Variants in DAB1 observed in about 807,000 individuals in gnomAD.
DAB1 encodes DAB adaptor protein 1.
DAB1 carries 15 observed loss-of-function variants against 64.6 expected under a neutral mutation model. That is an observed-to-expected ratio of 0.23 (90% CI 0.16 to 0.36). DAB1 has a LOEUF of 0.36. DAB1 is among the 10% of genes least tolerant of loss of function. The pLI is 1.00. For synonymous variants in DAB1, 235 were observed against 251.9 expected (o/e 0.93, Z 0.64); for missense variants, 596 against 706.7 (o/e 0.84, Z 1.78).
chr1:57,754,079 C>A (rs545410064), intron 6 of DAB1, among the ~76,000 whole-genome samples: 1 of 152,292 alleles, frequency 6.6e-6, no homozygotes, highest in East Asian at 1.9e-4. Context: ...ATCTCATCCT[C>A]TTCTGAGTCC....
intron 4 of DAB1, among the ~76,000 whole-genome samples, chr1:58,185,315 T>G (rs1329367811): frequency 6.6e-6 from 1 of 152,180 alleles, no homozygotes; most frequent in African/African-American, 2.4e-5. Context: ...TTTTTAGCTG[T>G]GTGCTGAGGA....
At chr1:57,156,317 C>G (rs1660219748) in intron 2 of DAB1, among the ~76,000 whole-genome samples, 1 of 152,128 alleles carries the variant, frequency 6.6e-6, no homozygotes, top group South Asian at 2.1e-4. Context: ...CTCTTGCCCC[C>G]ACCCTTAACT....
At chr1:57,355,335 C>G (rs926740596) in intron 1 of DAB1, among the ~76,000 whole-genome samples, 1 of 151,724 alleles carries the variant, frequency 6.6e-6, no homozygotes, top group African/African-American at 2.4e-5. Context: ...TTCCTTCCTT[C>G]CATCCTCCCT....
intron 2 of DAB1, among the ~76,000 whole-genome samples, chr1:57,195,484 A>T (rs1375340804): frequency 6.6e-6 from 1 of 152,244 alleles, no homozygotes; most frequent in Non-Finnish European, 1.5e-5. Context: ...TTTTCCCATC[A>T]TATTCCCATT....
At chr1:58,513,032 C>T (rs1453965258) in intron 2 of DAB1, among the ~76,000 whole-genome samples, 2 of 152,108 alleles carry the variant, frequency 1.3e-5, no homozygotes, top group East Asian at 1.9e-4. Flanking sequence ...ACTTATTAAG[C>T]AACTGATATG....
intron 4 of DAB1, among the ~76,000 whole-genome samples, chr1:58,175,665 T>C (rs543838900): frequency 6.6e-6 from 1 of 152,322 alleles, no homozygotes; most frequent in African/African-American, 2.4e-5. Flanking sequence ...GTTTGTCTTG[T>C]GCTAGGTTTT....
intron 1 of DAB1, among the ~76,000 whole-genome samples, chr1:57,834,759 T>G (rs946582065): frequency 4.6e-5 from 7 of 151,994 alleles, no homozygotes; most frequent in Non-Finnish European, 8.8e-5. Flanking sequence ...TAAAATATGA[T>G]AAAAGCTATA....
intron 2 of DAB1, among the ~76,000 whole-genome samples, chr1:57,229,424 G>A (rs1463347755): frequency 6.6e-6 from 1 of 151,512 alleles, no homozygotes; most frequent in Non-Finnish European, 1.5e-5. Context: ...CAAACTCCTG[G>A]GCTCAAGCAA....
At chr1:57,929,013 C>G (rs577449837) in intron 5 of DAB1, among the ~76,000 whole-genome samples, 123 of 152,148 alleles carry the variant, frequency 8.1e-4, no homozygotes, top group Non-Finnish European at 1.5e-3. Flanking sequence ...AAAAAACTGC[C>G]AAGCGGGCTT....
chr1:58,485,890 G>A lies in DAB1; in HGVS notation n.257+20170C>T, dbSNP rs528449227. On this transcript the variant is annotated intron_variant and non_coding_transcript_variant, in intron 3 of 20. Coordinates refer to the DAB1 transcript ENST00000485760. ...ATAAATCATTATGATAAATGTCATA[G>A]AGAAAATACTCTTAGGAGTTTATGG... 9.9e-5 allele frequency among the ~76,000 whole-genome samples: 15 copies of A among 152,212 alleles called. No homozygotes were observed. In the South Asian group the frequency reaches 2.7e-3, roughly 27 times the overall value.
At chr1:57,718,191 A>C (rs1647107648) in intron 6 of DAB1, among the ~76,000 whole-genome samples, 1 of 152,204 alleles carries the variant, frequency 6.6e-6, no homozygotes, top group African/African-American at 2.4e-5. Context: ...TAAATATTTA[A>C]GGTGATTGAT....
At chr1:57,455,788 C>A (rs1220868238) in intron 7 of DAB1, among the ~76,000 whole-genome samples, 1 of 152,096 alleles carries the variant, frequency 6.6e-6, no homozygotes, top group African/African-American at 2.4e-5. Context: ...AAAAGACCCT[C>A]TCTCCTAATC....
chr1:57,791,656 G>C (rs571413986), intron 6 of DAB1, among the ~76,000 whole-genome samples: 2 of 152,212 alleles, frequency 1.3e-5, no homozygotes, highest in African/African-American at 4.8e-5. Context: ...GTGCCCAGCA[G>C]GTAATTTCTT....
At chr1:57,144,249 A>G (rs1369000005) in intron 3 of DAB1, among the ~76,000 whole-genome samples, 1 of 152,080 alleles carries the variant, frequency 6.6e-6, no homozygotes, top group African/African-American at 2.4e-5. Context: ...TACATATGAT[A>G]TTTGTATACT....
chr1:58,390,163 C>T (rs904788575), intron 3 of DAB1, among the ~76,000 whole-genome samples: 2 of 152,120 alleles, frequency 1.3e-5, no homozygotes, highest in African/African-American at 4.8e-5. Flanking sequence ...TTCCAGAATG[C>T]ACCCAGCTCC....
chr1:57,438,593 GGAGGAGGAA>G (rs1553181865), intron 7 of DAB1, among the ~76,000 whole-genome samples: 1 of 152,174 alleles, frequency 6.6e-6, no homozygotes, highest in Non-Finnish European at 1.5e-5. Flanking sequence ...AGAAGGAGGA[GGAGGAGGAA>G]GAGGAGGAGG....
chr1:57,096,932 G>T (rs1444281940), intron 4 of DAB1, among the ~76,000 whole-genome samples: 1 of 152,122 alleles, frequency 6.6e-6, no homozygotes, highest in Non-Finnish European at 1.5e-5. Context: ...ACATAGGAGG[G>T]CTTACTGATC....
chr1:58,180,245 T>C (rs965919673), intron 4 of DAB1, among the ~76,000 whole-genome samples: 1 of 150,094 alleles, frequency 6.7e-6, no homozygotes, highest in South Asian at 2.1e-4. Context: ...CACAGGTCAA[T>C]GGTCTGAGAT....
In DAB1 at chr1:57,007,044, C is replaced by G. The variant is rs990365881; in HGVS notation, c.*15+3636G>C. Reference sequence around the variant, plus strand: ...TCCTTTTTTTTCTCTCTCTCTCTTCCTCTCTCACTCTCTTAAGATTCGTCT... The same window carrying G: ...TCCTTTTTTTTCTCTCTCTCTCTTCGTCTCTCACTCTCTTAAGATTCGTCT... On this transcript the variant is annotated intron_variant, in intron 14 of 14. Transcript: ENST00000371236. 3.3e-5 allele frequency among the ~76,000 whole-genome samples: 5 copies of G among 151,648 alleles called. No homozygotes were observed. In the East Asian group the frequency reaches 7.8e-4, roughly 24 times the overall value.
Sources: gnomAD v4.1 joint callset for allele counts (sites outside exome capture counted in the v4.1 genomes callset) on GRCh38, gnomAD v4.1.1 for gene constraint, MANE v1.5 for transcripts, NCBI Gene and HGNC (gene_info 2026-07-23, HGNC 2026-07-21) for gene names.